CELF3: variants seen among roughly 807,000 people sequenced by gnomAD.
CELF3 encodes the protein CAG repeat domain.
Under a neutral mutation model 59.6 loss-of-function variants are expected in CELF3, and 26 were observed. The ratio of observed to expected loss-of-function variants is 0.44; its 90% CI spans 0.32 to 0.61. The LOEUF (loss-of-function observed/expected upper bound fraction) is 0.61. Among genes scored for constraint, CELF3 ranks in the 20% least tolerant of loss-of-function variants. The probability of loss-of-function intolerance (pLI) is 0.06; values close to 1 mark genes in which losing one functional copy is unlikely to be tolerated. For missense variants in CELF3, 387 were observed against 627.2 expected (o/e 0.62, Z 4.09); for synonymous variants, 245 against 250.7 (o/e 0.98, Z 0.22).
rs1188154876 is a variant in CELF3, at chr1:151,702,116, C to T, written c.*1343G>A. ...AAATGGAGGTCCAGATGTGAGACTG[C>T]AAGTCCTCAGCCTTCAGAGGGACAG... On this transcript the variant is annotated 3_prime_UTR_variant, in exon 13 of 13. Coordinates refer to ENST00000290583, the MANE Select transcript of CELF3 (RefSeq NM_007185.7). Among the ~76,000 whole-genome samples the T allele has an allele frequency of 6.6e-6, 1 of 152,236 alleles. No individual in the cohort carries two copies. Among genetic ancestry groups the T allele is most frequent in the Non-Finnish European group, 1.5e-5 (1 of 68,052 alleles).
At position 151,709,822 on chromosome 1, in the gene CELF3, G is replaced by A. The variant is rs762897636; in HGVS notation, c.229-31C>T. On this transcript the variant is annotated intron_variant, in intron 2 of 12. Transcript: ENST00000290583. The surrounding 1 kb of genome is among the most constrained non-coding windows in gnomAD (Gnocchi z 4.9). Reference sequence around the variant, plus strand: ...GGAGAGAAGAGAAGGCAGCTGCTGGGGACCTCCTCTGAACACCCAAGAGCC... The same window carrying A: ...GGAGAGAAGAGAAGGCAGCTGCTGGAGACCTCCTCTGAACACCCAAGAGCC... 1.2e-6 allele frequency: 2 copies of A among 1,612,164 alleles called. No individual in the cohort carries two copies. The highest frequency in any genetic ancestry group is 1.7e-5 in the Admixed American group (1 of 60,022).
chr1:151,705,772 C>T lies in CELF3; in HGVS notation c.1270+50G>A. 1 of 1,594,038 alleles carries T rather than the reference C, an allele frequency of 6.3e-7. No homozygotes were observed. The highest frequency in any genetic ancestry group is 1.1e-5 in the South Asian group (1 of 89,092). On this transcript the variant is annotated intron_variant, in intron 11 of 12. Transcript: ENST00000290583. This position sits in a 1 kb window ranked among gnomAD's most constrained non-coding sequence, Gnocchi z 5.1. ...ATAAATGCCTTCAAATATATTAGAC[C>T]TTGTCCTGATTTGGAGTATGGCAAA...
In CELF3 at chr1:151,715,939, C is replaced by T. The variant is rs778026308; in HGVS notation, c.82G>A (p.Glu28Lys). ...AGCTCAAAGATCCGACCAAACTGTT[C>T]GAAGATGGGCTTCAGGTCCTTCTCC... ...LEEKDLKPIF[E>K]QFGRIFELTV... The change falls in exon 1 of 13, where the codon GAA becomes AAA. Residue 28 changes from glutamate to lysine, a missense_variant. Coordinates refer to ENST00000290583, the MANE Select transcript of CELF3 (RefSeq NM_007185.7). 1.9e-6 allele frequency: 3 copies of T among 1,614,028 alleles called. No individual in the cohort carries two copies. In the African/African-American group the frequency reaches 4.0e-5, roughly 22 times the overall value.
intron 2 of CELF3, among the ~76,000 whole-genome samples, chr1:151,713,145 T>C (rs1050743868): frequency 6.6e-6 from 1 of 152,202 alleles, no homozygotes; most frequent in African/African-American, 2.4e-5. Context: ...TTCTGTCCCC[T>C]GGGACAAGGG....
rs1340237736 is a variant in CELF3, at chr1:151,702,290, C to CG, written c.*1168dup. On this transcript the variant is annotated 3_prime_UTR_variant, in exon 13 of 13. Transcript: ENST00000290583. ...TGGATGCTGCTCAAAAGCAAGGGCC[C>CG]GGCCTTCCCTGATGGGATTTTCTCT... The CG allele has an allele frequency of 2.0e-5, 3 of 152,188 alleles. No individual in the cohort carries two copies. The highest frequency in any genetic ancestry group is 7.2e-5 in the African/African-American group (3 of 41,420). The allele number at this position is 152,188 out of a possible 1,614,324, so 9.4% of individuals were successfully genotyped here.
intron 2 of CELF3, chr1:151,710,655 C>T: frequency 2.2e-6 from 1 of 456,410 alleles, no homozygotes; most frequent in Non-Finnish European, 4.4e-6. Context: ...CTGGAGGGCT[C>T]TAAAGGAGGA....
At chr1:151,708,282 T>G in intron 5 of CELF3, 1 of 257,482 alleles carries the variant, frequency 3.9e-6, no homozygotes, top group Non-Finnish European at 7.5e-6. Context: ...CAGGCTAGTC[T>G]TCCCTTGTAG....
rs1672561129 is a variant in CELF3 at position 151,706,568 on chromosome 1, G to T, written c.988+101C>A. 11 of 1,329,914 alleles carry T rather than the reference G, an allele frequency of 8.3e-6. No individual in the cohort carries two copies. In the Admixed American group the frequency reaches 1.2e-4, roughly 14 times the overall value. 82.4% of individuals were successfully genotyped at this position (1,329,914 alleles called of 1,614,324 possible). On this transcript the variant is annotated intron_variant, in intron 9 of 12. Transcript: ENST00000290583. ...GGCTTGTCAGTAAAGCCTGAAGAGG[G>T]TGATTGGCAGGGAGCCAAGAAGCCC... is the stretch of plus-strand genomic sequence containing the variant.
rs767627148 is a variant in CELF3, at chr1:151,706,273, T to A, written c.1077A>T (p.Gln359His). 2.5e-6 allele frequency: 4 copies of A among 1,580,394 alleles called. No individual in the cohort carries two copies. In the African/African-American group the frequency reaches 5.5e-5, roughly 22 times the overall value. ...LVAQQPPPPP[Q>H]QQQQQQQQQQ... The stretch of plus-strand genomic sequence containing the variant: ...GCTGCTGCTGCTGCTGCTGCTGCTG[T>A]TGAGGTGGTGGTGGGGGCTGCTGGG... Residue 359 changes from glutamine (Q) to histidine (H), a missense_variant, in exon 10 of 13, where the codon CAA (glutamine) becomes CAT (histidine). Around this residue, in one of 3 missense-constraint regions of CELF3, gnomAD observed 131 missense variants for 153.7 expected, o/e 0.85. Transcript: ENST00000290583.
Position 151,709,543 on chromosome 1 carries a change from C to T in CELF3, c.278-195G>A. 1.1e-6 allele frequency: 1 copy of T among 919,272 alleles called. No homozygotes were observed. Among genetic ancestry groups the T allele is most frequent in the African/African-American group, 1.6e-5 (1 of 60,996 alleles). 56.9% of individuals were successfully genotyped at this position (919,272 alleles called of 1,614,324 possible). On this transcript the variant is annotated intron_variant, in intron 3 of 12. Coordinates refer to ENST00000290583, the MANE Select transcript of CELF3 (RefSeq NM_007185.7). This position sits in a 1 kb window ranked among gnomAD's most constrained non-coding sequence, Gnocchi z 4.9. The stretch of plus-strand genomic sequence containing the variant: ...TCCCAGCTCTGAGGGACTCGCACTC[C>T]ACCCTGGGCCTCAGTTTTGCCATCT...
intron 7 of CELF3, 79 bp from the exon 8 acceptor site, chr1:151,707,373 G>A: frequency 6.5e-7 from 1 of 1,538,690 alleles, no homozygotes; most frequent in South Asian, 1.2e-5. Context: ...CAAGTCTGTG[G>A]GCAGAGGGGA....
rs1290773648 is a variant in CELF3, at chr1:151,709,170, G to T, written c.406+50C>A. 1 of 1,608,680 alleles carries T rather than the reference G, an allele frequency of 6.2e-7. No homozygotes were observed. Among genetic ancestry groups the T allele is most frequent in the African/African-American group, 1.3e-5 (1 of 74,842 alleles). The stretch of plus-strand genomic sequence containing the variant: ...CGATGCCTAGGGAGTCTTGGGGGTG[G>T]AACAGGAAGGGGAAGGGCCCGGTGG... On this transcript the variant is annotated intron_variant, in intron 4 of 12. Coordinates refer to ENST00000290583, the MANE Select transcript of CELF3 (RefSeq NM_007185.7). The surrounding 1 kb of genome is among the most constrained non-coding windows in gnomAD (Gnocchi z 4.9).
At chr1:151,704,806 A>C (rs1672373178) in intron 12 of CELF3, among the ~76,000 whole-genome samples, 2 of 131,768 alleles carry the variant, frequency 1.5e-5, no homozygotes, top group African/African-American at 6.2e-5. Flanking sequence ...GGGGTCACGG[A>C]GGGTGTGTGT....
Position 151,709,807 on chromosome 1 carries a change from G to A in CELF3, c.229-16C>T, listed in dbSNP as rs151009273. On this transcript the variant is annotated splice_polypyrimidine_tract_variant and intron_variant, in intron 2 of 12. Coordinates refer to ENST00000290583, the MANE Select transcript of CELF3 (RefSeq NM_007185.7). The surrounding 1 kb of genome is among the most constrained non-coding windows in gnomAD (Gnocchi z 4.9). ...GCCTGTTCATCTGAAGGAGAGAAGA[G>A]AAGGCAGCTGCTGGGGACCTCCTCT... 6.2e-7 allele frequency: 1 copy of A among 1,614,024 alleles called. No individual in the cohort carries two copies. The highest frequency in any genetic ancestry group is 8.5e-7 in the Non-Finnish European group (1 of 1,179,868).
chr1:151,716,108 G>GC lies in CELF3; in HGVS notation c.-89dup. The GC allele has an allele frequency of 1.5e-6, 2 of 1,374,926 alleles. No individual in the cohort carries two copies. The highest frequency in any genetic ancestry group is 2.4e-5 in the East Asian group (1 of 42,170). 85.2% of individuals were successfully genotyped at this position (1,374,926 alleles called of 1,614,324 possible). Reference sequence around the variant, plus strand: ...GCCCAGCAAGGAGATAAGTGGTGGGGCCCGGGGGCCCAGCTGGGGCTGGCT... The same window carrying GC: ...GCCCAGCAAGGAGATAAGTGGTGGGGCCCCGGGGGCCCAGCTGGGGCTGGCT... On this transcript the variant is annotated 5_prime_UTR_variant, in exon 1 of 13. Coordinates refer to ENST00000290583, the MANE Select transcript of CELF3 (RefSeq NM_007185.7).
rs1435779134 is a variant in CELF3 at position 151,702,504 on chromosome 1, G to A, written c.*955C>T. On this transcript the variant is annotated 3_prime_UTR_variant, in exon 13 of 13. Transcript: ENST00000290583. ...TAAGCATAGAGAACTGTCTGAAACT[G>A]ACTCCCCGGTCTCCCCTTACCACCC... The A allele has an allele frequency of 6.6e-6, 1 of 152,042 alleles. No homozygotes were observed. Among genetic ancestry groups the A allele is most frequent in the Non-Finnish European group, 1.5e-5 (1 of 68,018 alleles). The allele number at this position is 152,042 out of a possible 1,614,324, so 9.4% of individuals were successfully genotyped here. A position where few individuals can be genotyped will look rare whatever the true frequency, so the allele number is the denominator to read the frequency against.
chr1:151,716,522 C>T lies in CELF3; in HGVS notation c.-502G>A, dbSNP rs1426604816. Reference sequence around the variant, plus strand: ...CCTGATGTGGGGCAGGTGAATCTCTCGTTGGCTTCCCTGGGAGGACACCTC... The same window carrying T: ...CCTGATGTGGGGCAGGTGAATCTCTTGTTGGCTTCCCTGGGAGGACACCTC... On this transcript the variant is annotated 5_prime_UTR_variant, in exon 1 of 13. Transcript: ENST00000290583. The T allele has an allele frequency of 6.1e-6, 2 of 327,194 alleles. No homozygotes were observed. Among genetic ancestry groups the T allele is most frequent in the South Asian group, 4.8e-5 (2 of 42,082 alleles). The allele number at this position is 327,194 out of a possible 1,614,324, so 20.3% of individuals were successfully genotyped here.
rs899060240 is a variant in CELF3, at chr1:151,709,164, G to A, written c.406+56C>T. 13 of 1,607,988 alleles carry A rather than the reference G, an allele frequency of 8.1e-6. No homozygotes were observed. Among genetic ancestry groups the A allele is most frequent in the Non-Finnish European group, 1.0e-5 (12 of 1,175,308 alleles). ...GGAACCCGATGCCTAGGGAGTCTTGGGGGTGGAACAGGAAGGGGAAGGGCC... is the reference window on the plus strand; with the variant it reads ...GGAACCCGATGCCTAGGGAGTCTTGAGGGTGGAACAGGAAGGGGAAGGGCC... On this transcript the variant is annotated intron_variant, in intron 4 of 12. Coordinates refer to ENST00000290583, the MANE Select transcript of CELF3 (RefSeq NM_007185.7). The surrounding 1 kb of genome is among the most constrained non-coding windows in gnomAD (Gnocchi z 4.9).
rs115465651 is a variant in CELF3 at position 151,708,476 on chromosome 1, A to G, written c.486+522T>C. 8.5e-3 allele frequency: 1,571 copies of G among 184,196 alleles called. 14 individuals are homozygous for G. The highest frequency in any genetic ancestry group is 0.014 in the Non-Finnish European group (1,186 of 87,118). 11.4% of individuals were successfully genotyped at this position (184,196 alleles called of 1,614,324 possible). A position where few individuals can be genotyped will look rare whatever the true frequency, so the allele number is the denominator to read the frequency against. The stretch of plus-strand genomic sequence containing the variant: ...GTCATTGGACACAGTTCTCTACCCA[A>G]TGCTGTGTCCCCTCCACCAAGGCCC... On this transcript the variant is annotated intron_variant, in intron 5 of 12. Coordinates refer to ENST00000290583, the MANE Select transcript of CELF3 (RefSeq NM_007185.7).
Sources: allele counts gnomAD v4.1 joint callset (sites outside exome capture counted in the v4.1 genomes callset), GRCh38; gene constraint gnomAD v4.1.1; regional missense constraint gnomAD v4.1.1; non-coding constraint Gnocchi (gnomAD v3.1); transcripts MANE v1.5; gene names NCBI Gene and HGNC (gene_info 2026-07-23, HGNC 2026-07-21).